The following RBM41 variants were observed in gnomAD, a reference collection of about 807,000 sequenced individuals.
The protein encoded by RBM41 is RNA binding motif protein 41.
Under a neutral mutation model 30.8 loss-of-function variants are expected in RBM41, and 14 were observed. That is an observed-to-expected ratio of 0.45 (90% CI 0.30 to 0.71). The LOEUF (loss-of-function observed/expected upper bound fraction) is 0.71, where lower values mean the gene tolerates loss of function less well. RBM41 is among the 30% of genes least tolerant of loss of function. The pLI is 0.08. For synonymous variants in RBM41, 120 were observed against 110.1 expected (o/e 1.09, Z -0.56); for missense variants, 276 against 326.3 (o/e 0.85, Z 1.19).
chrX:107,067,264 A>C lies in RBM41; in HGVS notation c.*263T>G. On this transcript the variant is annotated 3_prime_UTR_variant, in exon 8 of 8. Coordinates refer to ENST00000685964, the MANE Select transcript of RBM41 (RefSeq NM_001324242.2). ...AGATTTTTAAAAATCCTTAGGAATA[A>C]TCCGTTGTAATTCATCCTGAGAAAA... The C allele has an allele frequency of 1.2e-6, 1 of 864,002 alleles. No individual in the cohort carries two copies. The highest frequency in any genetic ancestry group is 1.4e-6 in the Non-Finnish European group (1 of 707,921). 71.2% of individuals were successfully genotyped at this position (864,002 alleles called of 1,213,427 possible).
chrX:107,058,293 CA>C (rs201428990), downstream of RBM41, among the ~76,000 whole-genome samples: 770 of 45,669 alleles, frequency 0.017, 5 homozygotes, highest in Admixed American at 0.022. Flanking sequence ...AACTCCGTCT[CA>C]AAAAAAAAAA....
intron 6 of RBM41, among the ~76,000 whole-genome samples, chrX:107,078,889 AAAAAACAT>A (rs956144299): frequency 1.8e-5 from 2 of 110,841 alleles, no homozygotes; most frequent in African/African-American, 6.5e-5. Context: ...ATGTCAAAAA[AAAAAACAT>A]AAAATCATCA....
At chrX:107,087,836 T>C (rs186038049) in intron 6 of RBM41, among the ~76,000 whole-genome samples, 2 of 112,310 alleles carry the variant, frequency 1.8e-5, no homozygotes, top group East Asian at 5.6e-4. Flanking sequence ...ACTCCTGACC[T>C]CGTGATCCGC....
intron 1 of RBM41, among the ~76,000 whole-genome samples, chrX:107,118,098 T>G (rs953866113): frequency 9.0e-6 from 1 of 111,011 alleles, no homozygotes; most frequent in African/African-American, 3.3e-5. Context: ...GAATCTAAAA[T>G]TAATTTAAGC....
At chrX:107,103,197 A>C (rs755540670) in intron 5 of RBM41, among the ~76,000 whole-genome samples, 20 of 111,302 alleles carry the variant, frequency 1.8e-4, no homozygotes, top group Non-Finnish European at 3.8e-4. Context: ...TGAACAGTAT[A>C]CCTCTAAAAT....
chrX:107,104,856 T>A (rs967734444), intron 5 of RBM41, among the ~76,000 whole-genome samples: 1 of 111,078 alleles, frequency 9.0e-6, no homozygotes, highest in African/African-American at 3.3e-5. Flanking sequence ...TAGGTATTGA[T>A]GGGACGTACC....
In RBM41 at chrX:107,067,285, G is replaced by A; in HGVS notation, c.*242C>T. 1.1e-6 allele frequency: 1 copy of A among 891,590 alleles called. No homozygotes were observed. Among genetic ancestry groups the A allele is most frequent in the Non-Finnish European group, 1.4e-6 (1 of 725,399 alleles). The allele number at this position is 891,590 out of a possible 1,213,427, so 73.5% of individuals were successfully genotyped here. A position where few individuals can be genotyped will look rare whatever the true frequency, so the allele number is the denominator to read the frequency against. On this transcript the variant is annotated 3_prime_UTR_variant, in exon 8 of 8. Transcript: ENST00000685964. ...AATAATCCGTTGTAATTCATCCTGA[G>A]AAAATAATACTCTTTGCACTTTACC...
At chrX:107,080,910 T>C (rs1434302759) in intron 6 of RBM41, among the ~76,000 whole-genome samples, 1 of 112,135 alleles carries the variant, frequency 8.9e-6, no homozygotes, top group Non-Finnish European at 1.9e-5. Context: ...TTTGTGTATT[T>C]TGGATACAAG....
chrX:107,112,997 A>G (rs1336606090), intron 5 of RBM41: 5 of 233,676 alleles, frequency 2.1e-5, no homozygotes, highest in Non-Finnish European at 4.0e-5. Flanking sequence ...ATAGAATTGT[A>G]CACCAAAAAA....
intron 5 of RBM41, among the ~76,000 whole-genome samples, chrX:107,089,706 C>T (rs1346433798): frequency 9.0e-6 from 1 of 111,663 alleles, no homozygotes; most frequent in African/African-American, 3.3e-5. Context: ...TATGTACTTC[C>T]TATTGTATCA....
chrX:107,090,922 G>A (rs1054639015), intron 5 of RBM41, among the ~76,000 whole-genome samples: 2 of 109,060 alleles, frequency 1.8e-5, no homozygotes, highest in Non-Finnish European at 3.8e-5. Context: ...TAAGCCCCGC[G>A]TGCATTAGGT....
rs7885352 is a variant in RBM41 at position 107,118,788 on chromosome X, C to T, written c.-15G>A. 1,372 of 1,209,844 alleles carry T rather than the reference C, an allele frequency of 1.1e-3. 15 individuals are homozygous for T. In the African/African-American group the frequency reaches 0.022, roughly 19 times the overall value. ...TACCTCTTCATGTTTCCACAGGCCC[C>T]TACCTCCAACTTGGGTAAATAGGCC... On this transcript the variant is annotated 5_prime_UTR_variant, in exon 1 of 8. Transcript: ENST00000685964.
In RBM41 at chrX:107,106,204, C is replaced by T. The variant is rs777363258; in HGVS notation, c.595+7193G>A. ...ACAAACAACCGCATCAAAAAGTGGG[C>T]GAAGGATATGAACAGACACTTCTCA... On this transcript the variant is annotated intron_variant, in intron 5 of 7. Coordinates refer to ENST00000685964, the MANE Select transcript of RBM41 (RefSeq NM_001324242.2). Among the ~76,000 whole-genome samples the T allele has an allele frequency of 2.8e-3, 311 of 111,537 alleles. 3 individuals carry two copies. Among genetic ancestry groups the T allele is most frequent in the African/African-American group, 9.2e-3 (280 of 30,568 alleles).
chrX:107,066,195 G>A lies in RBM41; in HGVS notation c.*1332C>T, dbSNP rs1935830771. ...GGAAGTCAACTACTAATTTTATTTG[G>A]GTTCCTTGGTAAGTGATGGCTCATT... On this transcript the variant is annotated 3_prime_UTR_variant, in exon 8 of 8. Coordinates refer to ENST00000685964, the MANE Select transcript of RBM41 (RefSeq NM_001324242.2). 4 of 112,066 alleles carry A rather than the reference G, an allele frequency of 3.6e-5. No individual in the cohort carries two copies. In the Admixed American group the frequency reaches 3.8e-4, roughly 11 times the overall value. 9.2% of individuals were successfully genotyped at this position (112,066 alleles called of 1,213,427 possible).
intron 6 of RBM41, among the ~76,000 whole-genome samples, chrX:107,078,308 C>T (rs1233259231): frequency 9.0e-6 from 1 of 111,312 alleles, no homozygotes; most frequent in African/African-American, 3.3e-5. Flanking sequence ...CAGCTCAAAA[C>T]TAAGGAATGG....
intron 4 of RBM41, among the ~76,000 whole-genome samples, chrX:107,114,070 A>G (rs1380894350): frequency 1.8e-5 from 2 of 111,645 alleles, no homozygotes; most frequent in East Asian, 5.6e-4. Flanking sequence ...AGGCTTTCTT[A>G]ATTTTGCCAA....
intron 5 of RBM41, among the ~76,000 whole-genome samples, chrX:107,089,885 T>C (rs1353202997): frequency 1.8e-5 from 2 of 111,855 alleles, no homozygotes; most frequent in South Asian, 7.5e-4. Flanking sequence ...GCCTAGTCTA[T>C]TAATTTATTA....
At chrX:107,102,972 G>C (rs1041181552) in intron 5 of RBM41, among the ~76,000 whole-genome samples, 1 of 111,309 alleles carries the variant, frequency 9.0e-6, no homozygotes, top group Non-Finnish European at 1.9e-5. Context: ...TGGATGGAGA[G>C]AAATTTTGCC....
chrX:107,062,525 A>T lies in RBM41; in HGVS notation c.*5002T>A, dbSNP rs1406730458. On this transcript the variant is annotated 3_prime_UTR_variant, in exon 8 of 8. Transcript: ENST00000685964. ...AGTGTTAATCCTAAGTGAGCAGTATATCAAAGGAATAGGAGTTTGTCCTGA... is the reference window on the plus strand; with the variant it reads ...AGTGTTAATCCTAAGTGAGCAGTATTTCAAAGGAATAGGAGTTTGTCCTGA... 9.0e-6 allele frequency among the ~76,000 whole-genome samples: 1 copy of T among 111,632 alleles called. No homozygotes were observed. The highest frequency in any genetic ancestry group is 1.9e-5 in the Non-Finnish European group (1 of 53,113).
Sources: gnomAD v4.1 joint callset for allele counts (sites outside exome capture counted in the v4.1 genomes callset) on GRCh38, gnomAD v4.1.1 for gene constraint, MANE v1.5 for transcripts, NCBI Gene and HGNC (gene_info 2026-07-23, HGNC 2026-07-21) for gene names.